The following MCTP1 variants were observed in gnomAD, a reference collection of about 807,000 sequenced individuals.
MCTP1 encodes multiple C2 and transmembrane domain-containing protein 1.
Under a neutral mutation model 120.6 loss-of-function variants are expected in MCTP1, and 69 were observed. That is an observed-to-expected ratio of 0.57 (90% CI 0.47 to 0.70). The LOEUF (loss-of-function observed/expected upper bound fraction) is 0.70, where lower values mean the gene tolerates loss of function less well. Among genes scored for constraint, MCTP1 ranks in the 30% least tolerant of loss-of-function variants. MCTP1 has a pLI of 0.00. For missense variants in MCTP1, 1,203 were observed against 1,248.8 expected (o/e 0.96, Z 0.55); for synonymous variants, 529 against 493.1 (o/e 1.07, Z -0.96).
intron 1 of MCTP1, among the ~76,000 whole-genome samples, chr5:95,164,671 C>T (rs953349671): frequency 6.6e-6 from 1 of 152,032 alleles, no homozygotes; most frequent in Non-Finnish European, 1.5e-5. Context: ...TTAACATACA[C>T]TATATGTTAA....
At chr5:95,155,757 G>C (rs1024071237) in intron 1 of MCTP1, among the ~76,000 whole-genome samples, 1 of 152,114 alleles carries the variant, frequency 6.6e-6, no homozygotes, top group Non-Finnish European at 1.5e-5. Flanking sequence ...GGGCCCCTAG[G>C]ATTCCTCCCC....
At chr5:94,989,423 GCTCAGT>G (rs1234825853) in intron 2 of MCTP1, among the ~76,000 whole-genome samples, 2 of 152,208 alleles carry the variant, frequency 1.3e-5, no homozygotes, top group Non-Finnish European at 2.9e-5. Flanking sequence ...TGGCTTAAAT[GCTCAGT>G]CTCACAGGAA....
At chr5:94,766,280 C>A (rs947082931) in intron 19 of MCTP1, among the ~76,000 whole-genome samples, 1 of 152,086 alleles carries the variant, frequency 6.6e-6, no homozygotes, top group African/African-American at 2.4e-5. Flanking sequence ...ACCCAAATGT[C>A]CATCAATGAT....
chr5:95,271,182 A>G (rs1468551440), intron 1 of MCTP1, among the ~76,000 whole-genome samples: 1 of 152,256 alleles, frequency 6.6e-6, no homozygotes, highest in Non-Finnish European at 1.5e-5. Context: ...TTCAGGATAT[A>G]ATCCAGATAT....
chr5:95,015,678 T>C (rs1455091880), intron 2 of MCTP1, among the ~76,000 whole-genome samples: 1 of 152,138 alleles, frequency 6.6e-6, no homozygotes, highest in Non-Finnish European at 1.5e-5. Context: ...ACACATCCTA[T>C]ACATTTTTCC....
intron 18 of MCTP1, among the ~76,000 whole-genome samples, chr5:94,797,764 A>G (rs1223957803): frequency 6.6e-6 from 1 of 152,148 alleles, no homozygotes; most frequent in East Asian, 1.9e-4. Flanking sequence ...CTTCCCTCAC[A>G]TTTATAATCT....
chr5:94,965,601 T>C (rs1405228275), intron 2 of MCTP1, among the ~76,000 whole-genome samples: 1 of 152,194 alleles, frequency 6.6e-6, no homozygotes, highest in East Asian at 1.9e-4. Context: ...TTACTCTTCT[T>C]AGTCTCAACA....
At chr5:95,172,103 CTGTT>C (rs764922496) in intron 1 of MCTP1, among the ~76,000 whole-genome samples, 23 of 152,250 alleles carry the variant, frequency 1.5e-4, no homozygotes, top group Non-Finnish European at 2.9e-4. Flanking sequence ...GATGTCCTTT[CTGTT>C]TGTTAGTTTT....
chr5:95,126,133 A>T (rs1342242719), intron 1 of MCTP1, among the ~76,000 whole-genome samples: 2 of 152,214 alleles, frequency 1.3e-5, no homozygotes, highest in African/African-American at 4.8e-5. Context: ...GAGGGAGAAG[A>T]TACTCAGATG....
At position 94,923,971 on chromosome 5, in the gene MCTP1, G is replaced by C. The variant is rs1386038926; in HGVS notation, c.1263C>G (p.Leu421=). 6.6e-7 allele frequency: 1 copy of C among 1,525,540 alleles called. No individual in the cohort carries two copies. Among genetic ancestry groups the C allele is most frequent in the Non-Finnish European group, 8.8e-7 (1 of 1,142,816 alleles). 94.5% of individuals were successfully genotyped at this position (1,525,540 alleles called of 1,614,324 possible). A position where few individuals can be genotyped will look rare whatever the true frequency, so the allele number is the denominator to read the frequency against. ...VVGSYFSVKS[L]FWRTCGRPAL... ...AGGATTTAGACATTACCCTCCAAAA[G>C]AGAGACTTCACAGAGAAATAAGATC... Residue 421 remains leucine (L), a synonymous_variant, in exon 7 of 23, where the codon CTC becomes CTG. Transcript: ENST00000515393.
intron 1 of MCTP1, among the ~76,000 whole-genome samples, chr5:95,039,651 G>A (rs1403870078): frequency 1.3e-5 from 2 of 151,964 alleles, no homozygotes; most frequent in African/African-American, 2.4e-5. Flanking sequence ...GTCTCACAAG[G>A]GTTTTCCATA....
At chr5:94,752,121 A>ATATATATATATATG (rs1768569939) in intron 19 of MCTP1, among the ~76,000 whole-genome samples, 1 of 62,952 alleles carries the variant, frequency 1.6e-5, no homozygotes, top group Non-Finnish European at 2.8e-5. Context: ...ATATATATAT[A>ATATATATATATATG]TATATATATA....
intron 18 of MCTP1, among the ~76,000 whole-genome samples, chr5:94,786,631 C>T (rs1225277693): frequency 6.6e-6 from 1 of 152,154 alleles, no homozygotes; most frequent in Non-Finnish European, 1.5e-5. Context: ...CCAGGAAAAG[C>T]CTGCCTGGTC....
intron 5 of MCTP1, among the ~76,000 whole-genome samples, chr5:94,934,802 T>C (rs1815775460): frequency 6.6e-6 from 1 of 151,618 alleles, no homozygotes; most frequent in South Asian, 2.1e-4. Flanking sequence ...CTTTGAATTT[T>C]CTATTTTTTA....
At chr5:95,188,110 G>T (rs554150845) in intron 1 of MCTP1, among the ~76,000 whole-genome samples, 2 of 152,194 alleles carry the variant, frequency 1.3e-5, no homozygotes, top group South Asian at 2.1e-4. Context: ...ACATGGAAAA[G>T]ATATTTTACC....
intron 1 of MCTP1, among the ~76,000 whole-genome samples, chr5:95,026,364 T>C (rs1839258332): frequency 6.6e-6 from 1 of 152,104 alleles, no homozygotes; most frequent in Non-Finnish European, 1.5e-5. Context: ...AGTCACCCTG[T>C]TGTGCTGGCA....
At chr5:95,020,059 T>G (rs182410636) in intron 1 of MCTP1, among the ~76,000 whole-genome samples, 1 of 152,178 alleles carries the variant, frequency 6.6e-6, no homozygotes, top group East Asian at 1.9e-4. Flanking sequence ...TTATATAGGT[T>G]TTCTACTTCG....
intron 1 of MCTP1, among the ~76,000 whole-genome samples, chr5:95,167,727 A>C (rs1416425346): frequency 6.6e-6 from 1 of 152,156 alleles, no homozygotes; most frequent in Non-Finnish European, 1.5e-5. Flanking sequence ...GTGTCTGTTC[A>C]TATCCTTTGC....
intron 6 of MCTP1, among the ~76,000 whole-genome samples, chr5:94,925,691 G>C (rs1222600740): frequency 6.6e-6 from 1 of 152,222 alleles, no homozygotes; most frequent in Non-Finnish European, 1.5e-5. Context: ...TTACAGGCGT[G>C]AGCCACTGCG....
Sources: gnomAD v4.1 joint callset for allele counts (sites outside exome capture counted in the v4.1 genomes callset) on GRCh38, gnomAD v4.1.1 for gene constraint, MANE v1.5 for transcripts, NCBI Gene and HGNC (gene_info 2026-07-23, HGNC 2026-07-21) for gene names.